The following TUSC3 variants were observed in gnomAD, a reference collection of about 807,000 sequenced individuals.
TUSC3 encodes the protein dolichyl-diphosphooligosaccharide--protein glycosyltransferase subunit TUSC3.
Under a neutral mutation model 44.8 loss-of-function variants are expected in TUSC3, and 45 were observed. That is an observed-to-expected ratio of 1.00 (90% confidence interval 0.79 to 1.29). The LOEUF (loss-of-function observed/expected upper bound fraction) is 1.29, where lower values mean the gene tolerates loss of function less well. Among genes scored for constraint, TUSC3 ranks in the 50% most tolerant of loss-of-function variants. TUSC3 has a pLI of 0.00. For synonymous variants in TUSC3, 212 were observed against 152.9 expected, an observed-to-expected ratio of 1.39 and a Z score of -2.85; for missense variants, 519 against 437.9, an observed-to-expected ratio of 1.19 and a Z score of -1.65.
intron 1 of TUSC3, among the ~76,000 whole-genome samples, chr8:15,566,843 G>C (rs1315053283): frequency 6.6e-6 from 1 of 152,062 alleles, no homozygotes; most frequent in African/African-American, 2.4e-5. Context: ...ATGTTTCCCA[G>C]GCTGCTCTTA....
At chr8:15,802,799 G>C in the TUSC3 span, among the ~76,000 whole-genome samples, 6 of 151,406 alleles carry the variant, frequency 4.0e-5, no homozygotes, top group Non-Finnish European at 8.8e-5. Context: ...CAAAAGCAAA[G>C]CCATTTGTGT....
At chr8:15,545,961 C>G (rs544875057) in intron 1 of TUSC3, among the ~76,000 whole-genome samples, 11 of 151,832 alleles carry the variant, frequency 7.2e-5, no homozygotes, top group African/African-American at 2.4e-4. Flanking sequence ...TTGCTCATCT[C>G]CATAAGAATT....
At chr8:15,564,690 T>A (rs1161973084) in intron 1 of TUSC3, among the ~76,000 whole-genome samples, 1 of 152,144 alleles carries the variant, frequency 6.6e-6, no homozygotes, top group Non-Finnish European at 1.5e-5. Context: ...CAGTGTCCCA[T>A]GTTTAGATAG....
chr8:15,465,390 C>G (rs536304054), intron 1 of TUSC3, among the ~76,000 whole-genome samples: 1 of 152,248 alleles, frequency 6.6e-6, no homozygotes, highest in East Asian at 1.9e-4. Context: ...GAACCACCAG[C>G]AGATTTGTAT....
chr8:15,590,217 C>T (rs775049907), intron 1 of TUSC3, among the ~76,000 whole-genome samples: 2 of 152,198 alleles, frequency 1.3e-5, no homozygotes, highest in Non-Finnish European at 2.9e-5. Context: ...TTGGACTTTT[C>T]ACTCTGCTCT....
chr8:15,607,840 G>C (rs1187809533), intron 1 of TUSC3, among the ~76,000 whole-genome samples: 1 of 152,064 alleles, frequency 6.6e-6, no homozygotes, highest in Admixed American at 6.6e-5. Context: ...TAGAAATTTT[G>C]TACTTTTACA....
chr8:15,621,751 C>T (rs1199839311), intron 1 of TUSC3, among the ~76,000 whole-genome samples: 2 of 149,630 alleles, frequency 1.3e-5, no homozygotes, highest in Non-Finnish European at 1.5e-5. Flanking sequence ...TCAGTTGATG[C>T]CCTTTGGTTG....
chr8:15,519,414 G>A (rs979786920), intron 2 of TUSC3, among the ~76,000 whole-genome samples: 1 of 152,112 alleles, frequency 6.6e-6, no homozygotes, highest in South Asian at 2.1e-4. Flanking sequence ...ACTTGAAGCT[G>A]TAACAGATTA....
At chr8:15,715,776 C>G (rs1217938166) in intron 6 of TUSC3, among the ~76,000 whole-genome samples, 2 of 151,820 alleles carry the variant, frequency 1.3e-5, no homozygotes, top group Non-Finnish European at 2.9e-5. Context: ...ATCATAAATG[C>G]AAAACTCGTG....
chr8:15,617,016 C>G (rs1201093750), intron 1 of TUSC3, among the ~76,000 whole-genome samples: 2 of 151,946 alleles, frequency 1.3e-5, no homozygotes, highest in Non-Finnish European at 2.9e-5. Context: ...AGCGAAGTGG[C>G]TTTGAAAGAA....
At chr8:15,814,619 C>A in the TUSC3 span, among the ~76,000 whole-genome samples, 1 of 152,140 alleles carries the variant, frequency 6.6e-6, no homozygotes, top group East Asian at 1.9e-4. Context: ...TATTTATGTT[C>A]ACACACAAAT....
chr8:15,652,125 T>C (rs1388840083), intron 3 of TUSC3, among the ~76,000 whole-genome samples: 1 of 152,230 alleles, frequency 6.6e-6, no homozygotes, highest in Non-Finnish European at 1.5e-5. Flanking sequence ...AAAATGTTTT[T>C]ACTATGTGAT....
the TUSC3 span, among the ~76,000 whole-genome samples, chr8:15,800,613 T>A: frequency 1.1e-3 from 164 of 151,944 alleles, 1 homozygote; most frequent in African/African-American, 3.9e-3. Flanking sequence ...CATTTTCTCC[T>A]AGGGATGAGC....
intron 9 of TUSC3, among the ~76,000 whole-genome samples, chr8:15,752,046 C>G (rs1811728045): frequency 6.6e-6 from 1 of 152,130 alleles, no homozygotes; most frequent in Non-Finnish European, 1.5e-5. Context: ...AAAATACATA[C>G]ATCCATGAAC....
rs958830197 is a variant in TUSC3, at chr8:15,471,315, G to A, written n.92-12071G>A. ...GTGATGTTCTTGTGACCAGAAATATGCCTTAGAAACTTCACTCTTGTTAAT... is the reference window on the plus strand; with the variant it reads ...GTGATGTTCTTGTGACCAGAAATATACCTTAGAAACTTCACTCTTGTTAAT... On this transcript the variant is annotated intron_variant and non_coding_transcript_variant, in intron 1 of 5. Coordinates refer to the TUSC3 transcript ENST00000503191. Among the ~76,000 whole-genome samples the A allele has an allele frequency of 2.6e-5, 4 of 152,228 alleles. No homozygotes were observed. In the South Asian group the frequency reaches 8.3e-4, roughly 32 times the overall value.
At chr8:15,621,654 T>C (rs1382345581) in intron 1 of TUSC3, among the ~76,000 whole-genome samples, 7 of 148,436 alleles carry the variant, frequency 4.7e-5, no homozygotes. Context: ...TAGATAAATC[T>C]ATAGCTATAT....
At chr8:15,431,275 A>G (rs552925707) in intron 1 of TUSC3, among the ~76,000 whole-genome samples, 1 of 151,308 alleles carries the variant, frequency 6.6e-6, no homozygotes, top group African/African-American at 2.4e-5. Flanking sequence ...TCTATAGATC[A>G]CTTTGATTAG....
chr8:15,482,197 C>A (rs1202604352), intron 1 of TUSC3, among the ~76,000 whole-genome samples: 1 of 152,192 alleles, frequency 6.6e-6, no homozygotes, highest in East Asian at 1.9e-4. Context: ...TCAGGCTCCA[C>A]TTCTAGTTCT....
intron 3 of TUSC3, among the ~76,000 whole-genome samples, chr8:15,657,606 T>C (rs768336145): frequency 1.2e-4 from 18 of 152,154 alleles, no homozygotes; most frequent in South Asian, 4.1e-4. Flanking sequence ...TCCTTGCACC[T>C]CCCCTCTTCT....
Sources: gnomAD v4.1 joint callset for allele counts (sites outside exome capture counted in the v4.1 genomes callset) on GRCh38, gnomAD v4.1.1 for gene constraint, MANE v1.5 for transcripts, NCBI Gene and HGNC (gene_info 2026-07-23, HGNC 2026-07-21) for gene names.